The following FLACC1 variants were observed in gnomAD, a reference collection of about 807,000 sequenced individuals.
FLACC1 encodes the protein flagellum-associated coiled-coil domain-containing protein 1.
FLACC1 carries 66 observed loss-of-function variants against 62.8 expected under a neutral mutation model. The ratio of observed to expected loss-of-function variants is 1.05; its 90% CI spans 0.86 to 1.29. The LOEUF is 1.29. Among genes scored for constraint, FLACC1 ranks in the 50% most tolerant of loss-of-function variants. The pLI is 0.00. For synonymous variants in FLACC1, 156 were observed against 161.0 expected, an observed-to-expected ratio of 0.97 and a Z score of 0.24; for missense variants, 452 against 489.1, an observed-to-expected ratio of 0.92 and a Z score of 0.71.
intron 11 of FLACC1, among the ~76,000 whole-genome samples, chr2:201,306,362 T>C (rs971098250): frequency 2.0e-5 from 3 of 152,106 alleles, no homozygotes; most frequent in Non-Finnish European, 2.9e-5. Context: ...TCTCCAACAT[T>C]GGAGATTACA....
intron 9 of FLACC1, among the ~76,000 whole-genome samples, chr2:201,318,099 G>C (rs1344017226): frequency 6.6e-6 from 1 of 152,162 alleles, no homozygotes; most frequent in African/African-American, 2.4e-5. Flanking sequence ...ATAAACTCAA[G>C]ATGGATCAAG....
intron 7 of FLACC1, among the ~76,000 whole-genome samples, chr2:201,336,888 CTGA>C (rs1346322277): frequency 2.0e-5 from 3 of 152,092 alleles, no homozygotes; most frequent in African/African-American, 7.2e-5. Flanking sequence ...CTATATTTCC[CTGA>C]TGATTAGTGA....
intron 9 of FLACC1, among the ~76,000 whole-genome samples, chr2:201,322,262 T>TAA (rs1559402621): frequency 1.1e-5 from 1 of 93,336 alleles, no homozygotes; most frequent in African/African-American, 4.2e-5. Flanking sequence ...AGATTCAGCC[T>TAA]CAAAAAAAAA....
intron 7 of FLACC1, 148 bp from the exon 8 acceptor site, chr2:201,330,981 T>C (rs2125593795): frequency 7.0e-6 from 4 of 575,476 alleles, no homozygotes; most frequent in Middle Eastern, 4.8e-4. Flanking sequence ...CTTTTTTTTT[T>C]TTTTTTGAGT....
Position 201,299,132 on chromosome 2 carries a change from A to T in FLACC1, c.942+106T>A, listed in dbSNP as rs1949925221. ...CTCAGCTTTAGGTCTTCCATTTCTT[A>T]TTGGCTTTGGGGAAATTATCATTGA... On this transcript the variant is annotated intron_variant, in intron 12 of 14. Transcript: ENST00000392257. 4 of 1,115,400 alleles carry T rather than the reference A, an allele frequency of 3.6e-6. No individual in the cohort carries two copies. The Admixed American group carries it at 6.9e-5, about 19-fold the overall frequency. The allele number at this position is 1,115,400 out of a possible 1,614,324, so 69.1% of individuals were successfully genotyped here. A position where few individuals can be genotyped will look rare whatever the true frequency, so the allele number is the denominator to read the frequency against.
chr2:201,308,336 G>A (rs563458255), intron 10 of FLACC1, among the ~76,000 whole-genome samples: 10 of 152,316 alleles, frequency 6.6e-5, no homozygotes, highest in Admixed American at 2.0e-4. Flanking sequence ...CCAGACAGGA[G>A]CAGCTCCCCC....
At position 201,351,368 on chromosome 2, in the gene FLACC1, C is replaced by A; in HGVS notation, c.37G>T (p.Asp13Tyr). ...PNPLIYCTCW[D>Y]PWNLGPRKLI... Reference sequence around the variant, plus strand: ...TTCCGTGGTCCCAAGTTCCAGGGGTCCCAGCAGGTGCAGTAGATGAGAGGG... The same window carrying A: ...TTCCGTGGTCCCAAGTTCCAGGGGTACCAGCAGGTGCAGTAGATGAGAGGG... The change falls in exon 2 of 15, where the codon GAC (aspartate) becomes TAC (tyrosine). Residue 13 changes from aspartate (D) to tyrosine (Y), a missense_variant. This residue lies in a region of FLACC1 where 147 missense variants were observed against 152.7 expected (regional missense o/e 0.96). Transcript: ENST00000392257. The A allele has an allele frequency of 6.2e-7, 1 of 1,614,006 alleles. No individual in the cohort carries two copies. The highest frequency in any genetic ancestry group is 1.1e-5 in the South Asian group (1 of 91,074).
At chr2:201,310,251 C>CATGA (rs1950193150) in intron 9 of FLACC1, among the ~76,000 whole-genome samples, 1 of 151,938 alleles carries the variant, frequency 6.6e-6, no homozygotes, top group Non-Finnish European at 1.5e-5. Context: ...GATGTTTTCC[C>CATGA]TGAATATACC....
intron 1 of FLACC1, 133 bp downstream of exon 1, chr2:201,356,837 TCCTGCACTTCTA>T (rs1951127863): frequency 2.0e-5 from 3 of 152,166 alleles, no homozygotes; most frequent in African/African-American, 7.2e-5. Context: ...TTTTTCCCTT[TCCTGCACTTCTA>T]CCTGATGATT....
chr2:201,313,993 G>A (rs1360426247), intron 9 of FLACC1, among the ~76,000 whole-genome samples: 1 of 152,124 alleles, frequency 6.6e-6, no homozygotes, highest in East Asian at 1.9e-4. Context: ...TCTCAGGAAG[G>A]CACATCCCTA....
chr2:201,309,098 T>C (rs1950161919), intron 10 of FLACC1, 53 bp downstream of exon 10: 1 of 1,492,608 alleles, frequency 6.7e-7, no homozygotes, highest in Non-Finnish European at 9.3e-7. Flanking sequence ...CCAAACTTCA[T>C]GGCAGTTTTT....
At chr2:201,318,745 A>G (rs983406521) in intron 9 of FLACC1, among the ~76,000 whole-genome samples, 25 of 152,130 alleles carry the variant, frequency 1.6e-4, no homozygotes, top group African/African-American at 5.8e-4. Flanking sequence ...CCATATATAT[A>G]TGATAGAATA....
chr2:201,348,772 A>G (rs1463025601), intron 3 of FLACC1, among the ~76,000 whole-genome samples: 1 of 152,224 alleles, frequency 6.6e-6, no homozygotes, highest in East Asian at 1.9e-4. Flanking sequence ...CAAATGTTGA[A>G]GTTAAACTTG....
chr2:201,330,646 T>C (rs1950574861), intron 8 of FLACC1, 90 bp downstream of exon 8: 1 of 1,535,354 alleles, frequency 6.5e-7, no homozygotes, highest in Admixed American at 1.8e-5. Flanking sequence ...GTAAAACCTT[T>C]GTGTGCCTTG....
chr2:201,302,399 C>T lies in FLACC1; in HGVS notation c.880-3099G>A, dbSNP rs1576420503. The stretch of plus-strand genomic sequence containing the variant: ...GAGCTAACTATCCTAAATACATATG[C>T]ACCCAATACAGGAGCAGCCAGATTC... On this transcript the variant is annotated intron_variant, in intron 11 of 14. Coordinates refer to ENST00000392257, the MANE Select transcript of FLACC1 (RefSeq NM_001127391.3). Among the ~76,000 whole-genome samples, 3 of 152,186 alleles carry T rather than the reference C, an allele frequency of 2.0e-5. No individual in the cohort carries two copies. The South Asian group carries it at 6.2e-4, about 32-fold the overall frequency.
chr2:201,353,213 G>A (rs181157104), intron 1 of FLACC1, among the ~76,000 whole-genome samples: 1 of 152,242 alleles, frequency 6.6e-6, no homozygotes, highest in East Asian at 1.9e-4. Flanking sequence ...GAATGAGAAA[G>A]TAAACATAAT....
At chr2:201,310,542 A>G (rs537928543) in intron 9 of FLACC1, among the ~76,000 whole-genome samples, 1 of 151,900 alleles carries the variant, frequency 6.6e-6, no homozygotes, top group Admixed American at 6.6e-5. Flanking sequence ...CCATCTCTTA[A>G]CTCTCTTCAT....
chr2:201,303,566 C>T (rs1038819246), intron 11 of FLACC1, among the ~76,000 whole-genome samples: 1 of 152,324 alleles, frequency 6.6e-6, no homozygotes, highest in East Asian at 1.9e-4. Context: ...GGAATCTTCC[C>T]TAACTCATTT....
At chr2:201,330,971 CTTT>C (rs375781288) in intron 7 of FLACC1, 138 bp from the exon 8 acceptor site, 2,595 of 420,182 alleles carry the variant, frequency 6.2e-3, no homozygotes, top group South Asian at 9.5e-3. Flanking sequence ...ATTTTTAAAT[CTTT>C]TTTTTTTTTT....
Sources: gnomAD v4.1 joint callset for allele counts (sites outside exome capture counted in the v4.1 genomes callset) on GRCh38, gnomAD v4.1.1 for gene constraint, gnomAD v4.1.1 regional missense constraint, MANE v1.5 for transcripts, NCBI Gene and HGNC (gene_info 2026-07-23, HGNC 2026-07-21) for gene names.